Variants in MARCHF1 observed in about 807,000 individuals in gnomAD.
The protein encoded by MARCHF1 is E3 ubiquitin-protein ligase MARCHF1.
A neutral mutation model predicts 54.2 loss-of-function variants in MARCHF1; 40 were observed. The observed-to-expected ratio is 0.74, with a 90% CI of 0.57 to 0.96. The LOEUF (loss-of-function observed/expected upper bound fraction) is 0.96. Among genes scored for constraint, MARCHF1 ranks in the 40% least tolerant of loss-of-function variants. The pLI is 0.00. For missense variants in MARCHF1, 586 were observed against 656.5 expected (o/e 0.89, Z 1.17); for synonymous variants, 236 against 236.3 (o/e 1.00, Z 0.01).
At chr4:163,999,455 G>C (rs902105310) in intron 2 of MARCHF1, among the ~76,000 whole-genome samples, 1 of 151,474 alleles carries the variant, frequency 6.6e-6, no homozygotes, top group Non-Finnish European at 1.5e-5. Context: ...CTACTTAAGA[G>C]TATTCAAACA....
chr4:163,830,376 G>A (rs1375533771), intron 4 of MARCHF1, among the ~76,000 whole-genome samples: 1 of 151,784 alleles, frequency 6.6e-6, no homozygotes, highest in African/African-American at 2.4e-5. Flanking sequence ...TACATTGATG[G>A]TTCAAATTGG....
chr4:163,887,238 G>C (rs1375290465), intron 3 of MARCHF1, among the ~76,000 whole-genome samples: 1 of 151,992 alleles, frequency 6.6e-6, no homozygotes, highest in African/African-American at 2.4e-5. Context: ...TGTATGATTG[G>C]GGAGGAGAGG....
At chr4:163,920,851 CCTAA>C (rs67143144) in intron 3 of MARCHF1, among the ~76,000 whole-genome samples, 24,863 of 152,082 alleles carry the variant, frequency 0.16, 2,228 homozygotes, top group Non-Finnish European at 0.21. Context: ...ATTTCCAGAA[CCTAA>C]CTATTTTAAG....
intron 4 of MARCHF1, among the ~76,000 whole-genome samples, chr4:163,817,558 A>G (rs1431908912): frequency 6.6e-6 from 1 of 152,050 alleles, no homozygotes; most frequent in Non-Finnish European, 1.5e-5. Flanking sequence ...AGGTAATGAG[A>G]TCTACTTTCA....
At chr4:163,626,492 T>A (rs1579126011) in intron 5 of MARCHF1, among the ~76,000 whole-genome samples, 1 of 152,248 alleles carries the variant, frequency 6.6e-6, no homozygotes, top group East Asian at 1.9e-4. Flanking sequence ...AGTAACACAT[T>A]AATTATACTC....
chr4:164,160,774 A>T (rs1277247012), intron 1 of MARCHF1, among the ~76,000 whole-genome samples: 1 of 152,144 alleles, frequency 6.6e-6, no homozygotes, highest in Non-Finnish European at 1.5e-5. Context: ...CTTAAGATAT[A>T]ACTTCTCCAT....
chr4:164,360,821 T>C (rs879649584), intron 1 of MARCHF1, among the ~76,000 whole-genome samples: 12 of 152,138 alleles, frequency 7.9e-5, no homozygotes, highest in Non-Finnish European at 1.8e-4. Context: ...CTTGGAATTC[T>C]ATAGTAAAAG....
At chr4:163,973,058 C>T (rs1240436441) in intron 3 of MARCHF1, among the ~76,000 whole-genome samples, 1 of 152,138 alleles carries the variant, frequency 6.6e-6, no homozygotes, top group African/African-American at 2.4e-5. Flanking sequence ...TTTCAAAAAA[C>T]ATAGTGTTGC....
chr4:163,853,814 T>C (rs1749699861), intron 4 of MARCHF1, among the ~76,000 whole-genome samples: 1 of 152,190 alleles, frequency 6.6e-6, no homozygotes, highest in African/African-American at 2.4e-5. Context: ...AGTTGTTTAA[T>C]TGGAATTAAA....
At chr4:163,982,394 G>A (rs930507310) in intron 3 of MARCHF1, among the ~76,000 whole-genome samples, 3 of 152,158 alleles carry the variant, frequency 2.0e-5, no homozygotes, top group Non-Finnish European at 4.4e-5. Context: ...TGCTCTCAGC[G>A]CAGGCTATTC....
At chr4:163,975,313 G>C (rs1277048622) in intron 3 of MARCHF1, among the ~76,000 whole-genome samples, 1 of 152,094 alleles carries the variant, frequency 6.6e-6, no homozygotes, top group Non-Finnish European at 1.5e-5. Context: ...AACAAAGAGT[G>C]AGCATTGTTA....
At chr4:164,348,519 G>T (rs1360539321) in intron 1 of MARCHF1, among the ~76,000 whole-genome samples, 1 of 152,048 alleles carries the variant, frequency 6.6e-6, no homozygotes, top group Non-Finnish European at 1.5e-5. Context: ...TGCTCTCCTT[G>T]GTGCTACATG....
chr4:164,069,496 G>A (rs947785227), intron 2 of MARCHF1, among the ~76,000 whole-genome samples: 3 of 152,134 alleles, frequency 2.0e-5, no homozygotes, highest in African/African-American at 7.2e-5. Flanking sequence ...GTGAGACCAC[G>A]AACCCACTGG....
At chr4:163,880,822 C>A (rs1464274439) in intron 3 of MARCHF1, among the ~76,000 whole-genome samples, 1 of 151,960 alleles carries the variant, frequency 6.6e-6, no homozygotes, top group Non-Finnish European at 1.5e-5. Context: ...GTATATGGAG[C>A]ACATTTATTT....
intron 3 of MARCHF1, among the ~76,000 whole-genome samples, chr4:163,890,007 C>G (rs1384658198): frequency 6.8e-6 from 1 of 146,616 alleles, no homozygotes; most frequent in Non-Finnish European, 1.5e-5. Context: ...TCACTGCAAG[C>G]TCCGCCGCCC....
intron 1 of MARCHF1, among the ~76,000 whole-genome samples, chr4:164,250,887 G>A (rs1733104772): frequency 6.6e-6 from 1 of 152,020 alleles, no homozygotes; most frequent in Admixed American, 6.6e-5. Context: ...ATATGCTCTT[G>A]TTACTACTTT....
chr4:164,264,576 A>G (rs1175574847), intron 1 of MARCHF1, among the ~76,000 whole-genome samples: 1 of 152,106 alleles, frequency 6.6e-6, no homozygotes, highest in African/African-American at 2.4e-5. Context: ...CTTTCAACTG[A>G]TGAGGAAACT....
chr4:163,968,534 T>C (rs568538660), intron 3 of MARCHF1, among the ~76,000 whole-genome samples: 3 of 152,180 alleles, frequency 2.0e-5, no homozygotes, highest in Non-Finnish European at 2.9e-5. Context: ...TTACAGCTTT[T>C]AATGCATACA....
At chr4:164,047,658 A>G (rs755722392) in intron 2 of MARCHF1, among the ~76,000 whole-genome samples, 1 of 152,090 alleles carries the variant, frequency 6.6e-6, no homozygotes, top group African/African-American at 2.4e-5. Context: ...TTTCACCACT[A>G]TAAGTTTTGT....
Sources: allele counts gnomAD v4.1 joint callset (sites outside exome capture counted in the v4.1 genomes callset), GRCh38; gene constraint gnomAD v4.1.1; transcripts MANE v1.5; gene names NCBI Gene and HGNC (gene_info 2026-07-23, HGNC 2026-07-21).